MYO1E: variants seen among roughly 807,000 people sequenced by gnomAD.
The protein encoded by MYO1E is unconventional myosin-Ie.
MYO1E carries 68 observed loss-of-function variants against 151.1 expected under a neutral mutation model. That is an observed-to-expected ratio of 0.45 (90% CI 0.37 to 0.55). The LOEUF (loss-of-function observed/expected upper bound fraction) is 0.55. MYO1E is among the 20% of genes least tolerant of loss of function. MYO1E has a pLI of 0.00. For missense variants in MYO1E, 1,363 were observed against 1,389.3 expected (o/e 0.98, Z 0.30); for synonymous variants, 601 against 501.7 (o/e 1.20, Z -2.64).
chr15:59,218,107 A>G lies in MYO1E; in HGVS notation c.911-20T>C. 3 of 1,613,162 alleles carry G rather than the reference A, an allele frequency of 1.9e-6. No homozygotes were observed. The highest frequency in any genetic ancestry group is 2.5e-6 in the Non-Finnish European group (3 of 1,179,168). ...CTAAAACTGTAGAACATAAAACAAA[A>G]CATGACAATCTTTCAGAATTGTGAC... is the stretch of plus-strand genomic sequence containing the variant. On this transcript the variant is annotated intron_variant, in intron 9 of 27. Coordinates refer to ENST00000288235, the MANE Select transcript of MYO1E (RefSeq NM_004998.4).
chr15:59,147,970 G>A (rs2079452070), intron 26 of MYO1E, among the ~76,000 whole-genome samples: 1 of 152,156 alleles, frequency 6.6e-6, no homozygotes, highest in Non-Finnish European at 1.5e-5. Flanking sequence ...ACTGGGCCAG[G>A]AAACATCACC....
At chr15:59,338,293 T>TTTTC (rs2080742460) in intron 1 of MYO1E, among the ~76,000 whole-genome samples, 1 of 151,480 alleles carries the variant, frequency 6.6e-6, no homozygotes. Flanking sequence ...ACTTTTTTTT[T>TTTTC]TTTTTTTTGC....
chr15:59,204,528 G>C (rs1310603652), intron 15 of MYO1E, among the ~76,000 whole-genome samples: 2 of 152,220 alleles, frequency 1.3e-5, no homozygotes, highest in Non-Finnish European at 2.9e-5. Context: ...TCGCAAGCAT[G>C]ATGGACTTGC....
intron 22 of MYO1E, chr15:59,171,354 G>T: frequency 1.8e-5 from 3 of 167,446 alleles, no homozygotes; most frequent in Non-Finnish European, 3.9e-5. Context: ...GGCCCTTCCT[G>T]AGGCCTTGTG....
At chr15:59,224,896 G>A in intron 7 of MYO1E, 73 bp from the exon 8 acceptor site, 1 of 1,596,030 alleles carries the variant, frequency 6.3e-7, no homozygotes, top group Non-Finnish European at 8.6e-7. Context: ...GCATCCTGCA[G>A]CCACCATCCC....
intron 1 of MYO1E, among the ~76,000 whole-genome samples, chr15:59,273,910 CTAAA>C (rs2080303237): frequency 6.6e-6 from 1 of 151,904 alleles, no homozygotes; most frequent in African/African-American, 2.4e-5. Flanking sequence ...GAGAAAAATT[CTAAA>C]TAAGGGTATC....
Position 59,159,492 on chromosome 15 carries a change from A to T in MYO1E, c.2786-1113T>A, listed in dbSNP as rs866259296. Among the ~76,000 whole-genome samples, 27 of 152,106 alleles carry T rather than the reference A, an allele frequency of 1.8e-4. 1 individual carries two copies. The highest frequency in any genetic ancestry group is 2.4e-4 in the African/African-American group (10 of 41,416). On this transcript the variant is annotated intron_variant, in intron 24 of 27. Coordinates refer to ENST00000288235, the MANE Select transcript of MYO1E (RefSeq NM_004998.4). This position sits in a 1 kb window ranked among gnomAD's most constrained non-coding sequence, Gnocchi z 4.4. ...GAAGGAGACTGGAGTGTCAGGAGGGAGGTGGGGGACTTCATGTGCCTCCTT... is the reference window on the plus strand; with the variant it reads ...GAAGGAGACTGGAGTGTCAGGAGGGTGGTGGGGGACTTCATGTGCCTCCTT...
intron 17 of MYO1E, among the ~76,000 whole-genome samples, chr15:59,190,033 C>T (rs187145137): frequency 2.0e-5 from 3 of 152,254 alleles, no homozygotes; most frequent in East Asian, 1.9e-4. Context: ...AGGTGGAGCA[C>T]GGACATGTGC....
chr15:59,214,246 C>G lies in MYO1E; in HGVS notation c.1257G>C (p.Leu419=), dbSNP rs369851959. The G allele has an allele frequency of 6.8e-6, 11 of 1,612,618 alleles. No homozygotes were observed. In the African/African-American group the frequency reaches 1.5e-4, roughly 22 times the overall value. Residue 419 remains leucine (L), a synonymous_variant, in exon 12 of 28, where the codon CTG becomes CTC. Coordinates refer to ENST00000288235, the MANE Select transcript of MYO1E (RefSeq NM_004998.4). ...NEKLQQIFIE[L]TLKAEQEEYV... ...TGCTTACCTGTTCTGCCTTTAATGT[C>G]AGTTCAATAAAAATCTGCTGCAGTT...
intron 19 of MYO1E, among the ~76,000 whole-genome samples, chr15:59,175,722 CCTT>C (rs1452335182): frequency 1.3e-5 from 2 of 152,134 alleles, no homozygotes; most frequent in African/African-American, 2.4e-5. Context: ...AGTCTTGTTT[CCTT>C]CTTCTTTCCC....
chr15:59,196,230 G>A (rs1012063608), intron 16 of MYO1E, among the ~76,000 whole-genome samples: 1 of 152,058 alleles, frequency 6.6e-6, no homozygotes, highest in Non-Finnish European at 1.5e-5. Context: ...TGCAAATCTA[G>A]AATATTCTAT....
chr15:59,208,130 G>C (rs749626516), intron 14 of MYO1E: 1 of 1,498,990 alleles, frequency 6.7e-7, no homozygotes, highest in South Asian at 1.4e-5. Flanking sequence ...AGAGATCATA[G>C]ATACAGGATT....
intron 1 of MYO1E, among the ~76,000 whole-genome samples, chr15:59,349,235 A>G (rs1242994396): frequency 3.3e-5 from 5 of 152,230 alleles, no homozygotes; most frequent in Admixed American, 6.5e-5. Context: ...CTTCCCATAT[A>G]AACATCTTAG....
At position 59,159,270 on chromosome 15, in the gene MYO1E, C is replaced by T. The variant is rs568151197; in HGVS notation, c.2786-891G>A. Among the ~76,000 whole-genome samples the T allele has an allele frequency of 1.1e-4, 16 of 152,370 alleles. No individual in the cohort carries two copies. The highest frequency in any genetic ancestry group is 3.4e-3 in the Middle Eastern group (1 of 294). Reference sequence around the variant, plus strand: ...TCCCTCCCAGTACCTAGGCCACTCTCGCCACCCCAAATAAGATAGAATCCA... The same window carrying T: ...TCCCTCCCAGTACCTAGGCCACTCTTGCCACCCCAAATAAGATAGAATCCA... On this transcript the variant is annotated intron_variant, in intron 24 of 27. Coordinates refer to ENST00000288235, the MANE Select transcript of MYO1E (RefSeq NM_004998.4). This position sits in a 1 kb window ranked among gnomAD's most constrained non-coding sequence, Gnocchi z 4.4.
chr15:59,353,694 A>T (rs28458917), intron 1 of MYO1E, among the ~76,000 whole-genome samples: 2,087 of 150,966 alleles, frequency 0.014, 46 homozygotes, highest in African/African-American at 0.047. Context: ...GAGGTGGAGG[A>T]TGCAGTGAGC....
chr15:59,172,519 A>G (rs2079601746), intron 21 of MYO1E, among the ~76,000 whole-genome samples: 1 of 152,204 alleles, frequency 6.6e-6, no homozygotes, highest in African/African-American at 2.4e-5. Flanking sequence ...GAAAGAGGGC[A>G]TTGTTCATGA....
At chr15:59,250,034 G>A (rs567755134) in intron 4 of MYO1E, among the ~76,000 whole-genome samples, 13 of 152,136 alleles carry the variant, frequency 8.5e-5, no homozygotes, top group African/African-American at 3.1e-4. Context: ...ATGAACCACG[G>A]CATGCCAGAG....
At chr15:59,273,394 T>G (rs2080299612) in intron 1 of MYO1E, among the ~76,000 whole-genome samples, 1 of 152,172 alleles carries the variant, frequency 6.6e-6, no homozygotes, top group African/African-American at 2.4e-5. Context: ...AAGTGACTCA[T>G]GAGCACTTGG....
chr15:59,171,770 C>T, intron 22 of MYO1E, 127 bp downstream of exon 22: 1 of 1,229,396 alleles, frequency 8.1e-7, no homozygotes. Flanking sequence ...AGGGAAATTC[C>T]ATTCTCTTGA....
Sources: gnomAD v4.1 joint callset for allele counts (sites outside exome capture counted in the v4.1 genomes callset) on GRCh38, gnomAD v4.1.1 for gene constraint, Gnocchi (gnomAD v3.1) non-coding constraint, MANE v1.5 for transcripts, NCBI Gene and HGNC (gene_info 2026-07-23, HGNC 2026-07-21) for gene names.